Variants in GNA12 observed in about 807,000 individuals in gnomAD.
The protein encoded by GNA12 is guanine nucleotide-binding protein subunit alpha-12.
GNA12 carries 9 observed loss-of-function variants against 26.0 expected under a neutral mutation model. The observed-to-expected ratio is 0.35, with a 90% confidence interval of 0.21 to 0.60. GNA12 has a LOEUF of 0.60. Ranked by LOEUF, GNA12 falls within the 20% of genes least tolerant of loss-of-function variation. The pLI, the probability that GNA12 is intolerant of heterozygous loss-of-function variation, is 0.78. For missense variants in GNA12, 405 were observed against 525.8 expected, an observed-to-expected ratio of 0.77 and a Z score of 2.25; for synonymous variants, 264 against 219.6, an observed-to-expected ratio of 1.20 and a Z score of -1.79.
At chr7:2,815,429 C>T (rs144933912) in intron 1 of GNA12, among the ~76,000 whole-genome samples, 2 of 152,162 alleles carry the variant, frequency 1.3e-5, no homozygotes, top group Non-Finnish European at 2.9e-5. Context: ...GAGGCTGGAG[C>T]GTGTAGGAGA....
chr7:2,844,267 G>C lies in GNA12; in HGVS notation c.-106C>G. ...GGCACCGCCCCACGCCCCGCCGCTCGCCTCAGGCCGCGTCCGCCGCCGCCG... is the reference window on the plus strand; with the variant it reads ...GGCACCGCCCCACGCCCCGCCGCTCCCCTCAGGCCGCGTCCGCCGCCGCCG... On this transcript the variant is annotated 5_prime_UTR_variant, in exon 1 of 4. Transcript: ENST00000275364. The C allele has an allele frequency of 1.1e-5, 5 of 473,238 alleles. No individual in the cohort carries two copies. The highest frequency in any genetic ancestry group is 1.4e-5 in the Non-Finnish European group (5 of 363,570). 29.3% of individuals were successfully genotyped at this position (473,238 alleles called of 1,614,324 possible). A position where few individuals can be genotyped will look rare whatever the true frequency, so the allele number is the denominator to read the frequency against.
chr7:2,778,633 G>A (rs1792138871), intron 2 of GNA12, among the ~76,000 whole-genome samples: 1 of 152,184 alleles, frequency 6.6e-6, no homozygotes, highest in Non-Finnish European at 1.5e-5. Flanking sequence ...GCCCACTGCT[G>A]AGCACAAAAG....
chr7:2,760,973 A>C (rs941710295), intron 2 of GNA12, among the ~76,000 whole-genome samples: 13 of 152,182 alleles, frequency 8.5e-5, no homozygotes, highest in African/African-American at 3.1e-4. Flanking sequence ...GTCTTGACGA[A>C]GTTGCTTGCT....
In GNA12 at chr7:2,839,854, C is replaced by A. The variant is rs192968970; in HGVS notation, c.309+3999G>T. Among the ~76,000 whole-genome samples the A allele has an allele frequency of 4.4e-3, 677 of 152,242 alleles. 7 individuals carry two copies. Among genetic ancestry groups the A allele is most frequent in the African/African-American group, 0.015 (644 of 41,556 alleles). ...TCTCTACTAAATACACAAAAATTAG[C>A]TGGACGTGGTGGTGGGCGCCTGTAA... On this transcript the variant is annotated intron_variant, in intron 1 of 3. Coordinates refer to ENST00000275364, the MANE Select transcript of GNA12 (RefSeq NM_007353.3).
intron 2 of GNA12, among the ~76,000 whole-genome samples, chr7:2,766,731 G>C (rs1294402725): frequency 1.3e-5 from 2 of 152,080 alleles, no homozygotes; most frequent in Non-Finnish European, 2.9e-5. Flanking sequence ...TATAAACATG[G>C]GTGTGCAAAT....
At chr7:2,746,524 T>C (rs927157083) in intron 2 of GNA12, among the ~76,000 whole-genome samples, 2 of 151,324 alleles carry the variant, frequency 1.3e-5, no homozygotes, top group African/African-American at 4.9e-5. Flanking sequence ...AAGCAGTGTG[T>C]AGAGGGAAAT....
chr7:2,810,790 T>G (rs1793061731), intron 1 of GNA12, among the ~76,000 whole-genome samples: 1 of 151,798 alleles, frequency 6.6e-6, no homozygotes, highest in African/African-American at 2.4e-5. Context: ...CCCAGCTACG[T>G]GGGAGGTTGA....
rs145494880 is a variant in GNA12, at chr7:2,815,131, C to A, written c.310-19988G>T. On this transcript the variant is annotated intron_variant, in intron 1 of 3. Transcript: ENST00000275364. ...TGCCCGCATGAGGCTTCCAAGCTCACTGGAGAAGGAGCAATACAAAAAGCA... is the reference window on the plus strand; with the variant it reads ...TGCCCGCATGAGGCTTCCAAGCTCAATGGAGAAGGAGCAATACAAAAAGCA... 4.7e-4 allele frequency: 362 copies of A among 776,988 alleles called. 3 individuals carry two copies. The East Asian group carries it at 6.0e-3, about 13-fold the overall frequency. The allele number at this position is 776,988 out of a possible 1,614,324, so 48.1% of individuals were successfully genotyped here. A position where few individuals can be genotyped will look rare whatever the true frequency, so the allele number is the denominator to read the frequency against.
At chr7:2,827,033 C>T (rs941865971) in intron 1 of GNA12, among the ~76,000 whole-genome samples, 3 of 152,096 alleles carry the variant, frequency 2.0e-5, no homozygotes, top group Admixed American at 6.6e-5. Context: ...GGGAGGCAGG[C>T]AGTATGTGGG....
chr7:2,841,918 G>A (rs913978320), intron 1 of GNA12, among the ~76,000 whole-genome samples: 52 of 152,082 alleles, frequency 3.4e-4, no homozygotes, highest in African/African-American at 9.9e-4. Flanking sequence ...TCTGCTTTGA[G>A]ATGATTGTCC....
intron 1 of GNA12, among the ~76,000 whole-genome samples, chr7:2,827,481 G>A (rs911664004): frequency 6.6e-6 from 1 of 152,198 alleles, no homozygotes; most frequent in South Asian, 2.1e-4. Context: ...GTGATGTCGC[G>A]TGAGAATTCA....
intron 2 of GNA12, among the ~76,000 whole-genome samples, chr7:2,785,903 A>G (rs1583279943): frequency 6.6e-6 from 1 of 152,188 alleles, no homozygotes; most frequent in East Asian, 1.9e-4. Flanking sequence ...GAAAAATAAA[A>G]AAATAAATAA....
At chr7:2,840,010 ATAGAT>A (rs1778944616) in intron 1 of GNA12, among the ~76,000 whole-genome samples, 1 of 152,108 alleles carries the variant, frequency 6.6e-6, no homozygotes, top group African/African-American at 2.4e-5. Context: ...CAACAACAGA[ATAGAT>A]TATTCACTGC....
At position 2,831,139 on chromosome 7, in the gene GNA12, G is replaced by C. The variant is rs544955353; in HGVS notation, c.309+12714C>G. ...TCATGAGGCATCTGCTTTAACTAGTGCGTTCCAGCAGTCCTGGTATGTTTA... is the reference window on the plus strand; with the variant it reads ...TCATGAGGCATCTGCTTTAACTAGTCCGTTCCAGCAGTCCTGGTATGTTTA... On this transcript the variant is annotated intron_variant, in intron 1 of 3. Coordinates refer to ENST00000275364, the MANE Select transcript of GNA12 (RefSeq NM_007353.3). Among the ~76,000 whole-genome samples the C allele has an allele frequency of 5.9e-5, 9 of 151,718 alleles. 1 individual carries two copies. The South Asian group carries it at 1.9e-3, about 32-fold the overall frequency.
intron 2 of GNA12, chr7:2,762,475 C>G: frequency 1.5e-6 from 1 of 667,666 alleles, no homozygotes; most frequent in Non-Finnish European, 2.4e-6. Flanking sequence ...CTGAACCCAC[C>G]CGTGTGCGGG....
intron 2 of GNA12, among the ~76,000 whole-genome samples, chr7:2,742,604 T>C (rs1014106824): frequency 1.3e-5 from 2 of 152,226 alleles, no homozygotes; most frequent in African/African-American, 2.4e-5. Context: ...CGCCGGCCCT[T>C]TGCGTTTCCA....
rs116196386 is a variant in GNA12 at position 2,839,363 on chromosome 7, A to C, written c.309+4490T>G. On this transcript the variant is annotated intron_variant, in intron 1 of 3. Coordinates refer to ENST00000275364, the MANE Select transcript of GNA12 (RefSeq NM_007353.3). ...ATCCTCCCACCCGCCTCCCAGGTTC[A>C]AGTGTGCACCACCACACCCGGCTAA... 5.6e-3 allele frequency among the ~76,000 whole-genome samples: 852 copies of C among 152,230 alleles called. 9 individuals are homozygous for C. Among genetic ancestry groups the C allele is most frequent in the African/African-American group, 0.019 (803 of 41,540 alleles).
chr7:2,754,187 C>G (rs1791179845), intron 2 of GNA12, among the ~76,000 whole-genome samples: 1 of 152,208 alleles, frequency 6.6e-6, no homozygotes, highest in South Asian at 2.1e-4. Flanking sequence ...TGCTAGCTCA[C>G]AGCAGTCTGA....
intron 1 of GNA12, among the ~76,000 whole-genome samples, chr7:2,810,147 G>A (rs895111548): frequency 1.5e-4 from 23 of 152,316 alleles, no homozygotes; most frequent in Admixed American, 1.2e-3. Context: ...CCTCACAGGC[G>A]GGTGGCTTGA....
Sources: allele counts gnomAD v4.1 joint callset (sites outside exome capture counted in the v4.1 genomes callset), GRCh38; gene constraint gnomAD v4.1.1; transcripts MANE v1.5; gene names NCBI Gene and HGNC (gene_info 2026-07-23, HGNC 2026-07-21).